PUM1: variants seen among roughly 807,000 people sequenced by gnomAD.
PUM1 encodes pumilio RNA binding family member 1, also known as pumilio homolog 1.
In PUM1, 13 loss-of-function variants were observed where a neutral mutation model predicts 131.8. The ratio of observed to expected loss-of-function variants is 0.10; its 90% confidence interval spans 0.06 to 0.16. The LOEUF (loss-of-function observed/expected upper bound fraction) is 0.16. Ranked by LOEUF, PUM1 falls within the 10% of genes least tolerant of loss-of-function variation. The probability of loss-of-function intolerance (pLI) is 1.00; values close to 1 mark genes in which losing one functional copy is unlikely to be tolerated. For synonymous variants in PUM1, 509 were observed against 556.5 expected (o/e 0.91, Z 1.20); for missense variants, 961 against 1,512.4 (o/e 0.64, Z 6.05).
At chr1:30,954,671 C>T (rs1201056530) in intron 14 of PUM1, among the ~76,000 whole-genome samples, 1 of 152,112 alleles carries the variant, frequency 6.6e-6, no homozygotes, top group Non-Finnish European at 1.5e-5. Flanking sequence ...ACTGTAGTTC[C>T]AACAACCTTC....
chr1:31,050,862 T>C (rs1030400393), intron 2 of PUM1: 9 of 234,244 alleles, frequency 3.8e-5, no homozygotes, highest in Admixed American at 2.8e-4. Context: ...ACTGCACTCC[T>C]GAGAGCAAGA....
At chr1:30,957,554 A>G (rs1019263273) in intron 14 of PUM1, among the ~76,000 whole-genome samples, 1 of 152,254 alleles carries the variant, frequency 6.6e-6, no homozygotes, top group Non-Finnish European at 1.5e-5. Context: ...TGGATTTCAT[A>G]GGAGTGTGTC....
At chr1:31,056,126 A>G (rs1644231097) in intron 2 of PUM1, among the ~76,000 whole-genome samples, 1 of 152,100 alleles carries the variant, frequency 6.6e-6, no homozygotes, top group African/African-American at 2.4e-5. Flanking sequence ...TTCTACCTCA[A>G]ACTCAACAGG....
At chr1:31,016,069 GCTTAGCATC>G (rs1488012276) in intron 3 of PUM1, among the ~76,000 whole-genome samples, 1 of 152,084 alleles carries the variant, frequency 6.6e-6, no homozygotes, top group Non-Finnish European at 1.5e-5. Flanking sequence ...GCTGATACAG[GCTTAGCATC>G]CTTAATCCAA....
chr1:30,948,530 C>A (rs1433303593), intron 17 of PUM1, among the ~76,000 whole-genome samples: 1 of 152,054 alleles, frequency 6.6e-6, no homozygotes, highest in Non-Finnish European at 1.5e-5. Context: ...GAGGCCAAAT[C>A]AATTGAACCC....
intron 14 of PUM1, among the ~76,000 whole-genome samples, chr1:30,963,167 C>T (rs1640486971): frequency 1.3e-5 from 2 of 152,150 alleles, no homozygotes; most frequent in African/African-American, 4.8e-5. Context: ...GTACAGGACC[C>T]AAAACCATTA....
At chr1:30,995,259 A>T (rs758810333) in intron 5 of PUM1, 39 bp from the exon 6 acceptor site, 1 of 1,609,380 alleles carries the variant, frequency 6.2e-7, no homozygotes, top group East Asian at 2.2e-5. Flanking sequence ...AATCGTCATC[A>T]ACTAATAATA....
At chr1:30,970,412 G>A (rs562359637) in intron 10 of PUM1, among the ~76,000 whole-genome samples, 6 of 152,200 alleles carry the variant, frequency 3.9e-5, no homozygotes, top group Non-Finnish European at 7.3e-5. Flanking sequence ...ATTAACAAAT[G>A]ATCTTGCAGA....
chr1:31,043,972 T>C (rs1643896930), intron 2 of PUM1, among the ~76,000 whole-genome samples: 1 of 152,022 alleles, frequency 6.6e-6, no homozygotes, highest in South Asian at 2.1e-4. Flanking sequence ...TGAAAGCATG[T>C]CTACAGAAAA....
chr1:31,030,675 C>A (rs77940412), intron 2 of PUM1, among the ~76,000 whole-genome samples: 1,620 of 151,434 alleles, frequency 0.011, 15 homozygotes, highest in Middle Eastern at 0.041. Context: ...CACGCCACTA[C>A]ACTCTAGCCT....
intron 6 of PUM1, 30 bp downstream of exon 6, chr1:30,995,024 T>C: frequency 6.3e-7 from 1 of 1,591,906 alleles, no homozygotes; most frequent in Middle Eastern, 1.7e-4. Context: ...TAGCCCATAT[T>C]CAAAAATCAG....
chr1:30,990,329 T>C (rs964319714), intron 7 of PUM1, among the ~76,000 whole-genome samples: 1 of 152,098 alleles, frequency 6.6e-6, no homozygotes, highest in East Asian at 1.9e-4. Context: ...AGACAAAACA[T>C]GGTAACACCT....
At chr1:30,966,426 A>G in intron 12 of PUM1, 148 bp from the exon 13 acceptor site, 1 of 729,174 alleles carries the variant, frequency 1.4e-6, no homozygotes, top group South Asian at 2.3e-5. Flanking sequence ...TGATCCCTTC[A>G]TATGAAGCTT....
chr1:31,028,807 C>A lies in PUM1; in HGVS notation c.421G>T (p.Ala141Ser). The stretch of plus-strand genomic sequence containing the variant: ...ACCAGTTCACTTACCTCTCCCATCG[C>A]TCTTCCCTCCAGAGCAAGTGCTTGA... ...DFQALALEGR[A>S]MGEQLLPGKK... The change falls in exon 3 of 22, where the codon GCG (alanine) becomes TCG (serine). Residue 141 changes from alanine (A) to serine (S), a missense_variant. Ala to Ser is a moderately conservative substitution (Grantham distance 99, BLOSUM62 1). Transcript: ENST00000426105. 1 of 1,613,846 alleles carries A rather than the reference C, an allele frequency of 6.2e-7. No homozygotes were observed. The highest frequency in any genetic ancestry group is 2.2e-5 in the East Asian group (1 of 44,872).
At chr1:31,000,564 A>G (rs1290537587) in intron 5 of PUM1, among the ~76,000 whole-genome samples, 1 of 152,206 alleles carries the variant, frequency 6.6e-6, no homozygotes, top group Non-Finnish European at 1.5e-5. Flanking sequence ...AAAGGGGGGA[A>G]TACTTCCTAA....
chr1:31,047,017 C>G (rs896331039), intron 2 of PUM1, among the ~76,000 whole-genome samples: 23 of 152,024 alleles, frequency 1.5e-4, no homozygotes, highest in Non-Finnish European at 3.4e-4. Context: ...ATAGTGAAAC[C>G]TCATCTCTAC....
At chr1:30,967,622 T>C (rs1184379141) in intron 11 of PUM1, among the ~76,000 whole-genome samples, 1 of 152,212 alleles carries the variant, frequency 6.6e-6, no homozygotes, top group Non-Finnish European at 1.5e-5. Flanking sequence ...GTTTAAGCCA[T>C]ATGAAAAACT....
chr1:31,022,530 C>T lies in PUM1; in HGVS notation c.432+6266G>A, dbSNP rs563880427. On this transcript the variant is annotated intron_variant, in intron 3 of 21. Coordinates refer to ENST00000426105, the MANE Select transcript of PUM1 (RefSeq NM_001020658.2). The stretch of plus-strand genomic sequence containing the variant: ...GGGGTTTGCACATTGGTCTCAAAGT[C>T]AGGACAGACCTGGGAACTACGTTCC... Among the ~76,000 whole-genome samples, 18 of 152,276 alleles carry T rather than the reference C, an allele frequency of 1.2e-4. No individual in the cohort carries two copies. In the East Asian group the frequency reaches 3.5e-3, roughly 29 times the overall value.
At chr1:30,934,893 A>G (rs1639136192) in intron 21 of PUM1, among the ~76,000 whole-genome samples, 3 of 152,234 alleles carry the variant, frequency 2.0e-5, no homozygotes, top group African/African-American at 7.2e-5. Flanking sequence ...CAAGAAGTGA[A>G]ACGTTAATTA....
Sources: gnomAD v4.1 joint callset for allele counts (sites outside exome capture counted in the v4.1 genomes callset) on GRCh38, gnomAD v4.1.1 for gene constraint, MANE v1.5 for transcripts, NCBI Gene and HGNC (gene_info 2026-07-23, HGNC 2026-07-21) for gene names.